Variants in CASZ1 observed in about 807,000 individuals in gnomAD.
The protein encoded by CASZ1 is zinc finger protein castor homolog 1.
CASZ1 carries 28 observed loss-of-function variants against 135.2 expected under a neutral mutation model. The ratio of observed to expected loss-of-function variants is 0.21; its 90% confidence interval spans 0.15 to 0.28. CASZ1 has a LOEUF of 0.28. Ranked by LOEUF, CASZ1 falls within the 10% of genes least tolerant of loss-of-function variation. The pLI, the probability that CASZ1 is intolerant of heterozygous loss-of-function variation, is 1.00. For missense variants in CASZ1, 2,161 were observed against 2,453.3 expected (o/e 0.88, Z 2.52); for synonymous variants, 1,068 against 1,073.4 (o/e 0.99, Z 0.10).
Position 10,697,166 on chromosome 1 carries a change from G to T in CASZ1, c.-23-3254C>A, listed in dbSNP as rs1226201362. 6.6e-6 allele frequency among the ~76,000 whole-genome samples: 1 copy of T among 152,246 alleles called. No individual in the cohort carries two copies. Among genetic ancestry groups the T allele is most frequent in the African/African-American group, 2.4e-5 (1 of 41,464 alleles). Reference sequence around the variant, plus strand: ...GGAGCGCAAGGATTTATGAAGGTCAGAGAAGGCGGCGGAGGCTTCGAGGTT... The same window carrying T: ...GGAGCGCAAGGATTTATGAAGGTCATAGAAGGCGGCGGAGGCTTCGAGGTT... On this transcript the variant is annotated intron_variant, in intron 3 of 20. Transcript: ENST00000377022. The surrounding 1 kb of genome is among the most constrained non-coding windows in gnomAD (Gnocchi z 4.7).
intron 2 of CASZ1, among the ~76,000 whole-genome samples, chr1:10,743,899 CG>C (rs1453756271): frequency 6.3e-5 from 6 of 95,392 alleles, no homozygotes; most frequent in Non-Finnish European, 1.0e-4. Context: ...CATGGGGCGG[CG>C]GGGGGAGGCA....
intron 20 of CASZ1, among the ~76,000 whole-genome samples, chr1:10,641,437 G>T (rs2124665685): frequency 6.6e-6 from 1 of 152,330 alleles, no homozygotes; most frequent in South Asian, 2.1e-4. Context: ...TACGCTCAAG[G>T]GAGGGGGCGG....
At chr1:10,668,700 C>T (rs371108800) in intron 4 of CASZ1, among the ~76,000 whole-genome samples, 3 of 152,242 alleles carry the variant, frequency 2.0e-5, no homozygotes, top group Non-Finnish European at 2.9e-5. Context: ...TGGGAGCTCA[C>T]GGCGGAGCTC....
intron 2 of CASZ1, among the ~76,000 whole-genome samples, chr1:10,742,871 GT>G (rs1045916987): frequency 6.6e-6 from 1 of 152,084 alleles, no homozygotes; most frequent in Non-Finnish European, 1.5e-5. Flanking sequence ...TGTAATCCCA[GT>G]TACTCGGGAG....
At chr1:10,651,959 C>T (rs1277040287) in intron 11 of CASZ1, 2 of 152,360 alleles carry the variant, frequency 1.3e-5, no homozygotes, top group East Asian at 3.9e-4. Flanking sequence ...CCTGCCCCAT[C>T]CATCAGGCAC....
At position 10,774,564 on chromosome 1, in the gene CASZ1, C is replaced by T. The variant is rs904652737; in HGVS notation, c.-233-13707G>A. 4.5e-4 allele frequency among the ~76,000 whole-genome samples: 68 copies of T among 150,656 alleles called. No homozygotes were observed. Among genetic ancestry groups the T allele is most frequent in the Admixed American group, 4.2e-3 (64 of 15,114 alleles). ...CAAGAAATCCCATCCATAGCCCCCC[C>T]GATCCAAAAGGATCACCAGGAGATC... On this transcript the variant is annotated intron_variant, in intron 1 of 20. Transcript: ENST00000377022. The surrounding 1 kb of genome is among the most constrained non-coding windows in gnomAD (Gnocchi z 4.4).
intron 5 of CASZ1, among the ~76,000 whole-genome samples, chr1:10,662,143 TCA>T (rs1164787566): frequency 6.6e-6 from 1 of 150,788 alleles, no homozygotes; most frequent in Non-Finnish European, 1.5e-5. Flanking sequence ...TCGCATACAC[TCA>T]CACACCTACA....
At chr1:10,640,087 G>A in intron 20 of CASZ1, 28 bp from the exon 21 acceptor site, 1 of 1,582,934 alleles carries the variant, frequency 6.3e-7, no homozygotes, top group Non-Finnish European at 8.6e-7. Flanking sequence ...GGTCAGTGCA[G>A]AAGAGGGACC....
rs1250806972 is a variant in CASZ1 at position 10,647,646 on chromosome 1, T to C, written c.3497+155A>G. 2.0e-6 allele frequency: 3 copies of C among 1,469,542 alleles called. No homozygotes were observed. The African/African-American group carries it at 4.2e-5, about 21-fold the overall frequency. The allele number at this position is 1,469,542 out of a possible 1,614,324, so 91.0% of individuals were successfully genotyped here. ...AGTGAGGTAGGAGCAGCAGCATCTTTGGCTAGAAGGACATCACCCGATGGC... is the reference window on the plus strand; with the variant it reads ...AGTGAGGTAGGAGCAGCAGCATCTTCGGCTAGAAGGACATCACCCGATGGC... On this transcript the variant is annotated intron_variant, in intron 16 of 20. Transcript: ENST00000377022. The surrounding 1 kb of genome is among the most constrained non-coding windows in gnomAD (Gnocchi z 4.9).
At chr1:10,761,881 C>T (rs1443696323) in intron 1 of CASZ1, among the ~76,000 whole-genome samples, 3 of 152,172 alleles carry the variant, frequency 2.0e-5, no homozygotes, top group Non-Finnish European at 2.9e-5. Flanking sequence ...ACCCTGCCTG[C>T]GGAGCTGGCA....
At position 10,771,953 on chromosome 1, in the gene CASZ1, C is replaced by T. The variant is rs535990510; in HGVS notation, c.-233-11096G>A. Among the ~76,000 whole-genome samples, 87 of 152,324 alleles carry T rather than the reference C, an allele frequency of 5.7e-4. No individual in the cohort carries two copies. The South Asian group carries it at 0.015, about 26-fold the overall frequency. ...TAGCTGCTGCCAAGCCCCTCTCGGC[C>T]GGCCCCCAGGGAACTCCCCACTCCT... On this transcript the variant is annotated intron_variant, in intron 1 of 20. Coordinates refer to ENST00000377022, the MANE Select transcript of CASZ1 (RefSeq NM_001079843.3).
intron 4 of CASZ1, among the ~76,000 whole-genome samples, chr1:10,684,378 G>A (rs569447720): frequency 7.9e-5 from 12 of 152,360 alleles, no homozygotes; most frequent in African/African-American, 2.2e-4. Context: ...CGGGGGACAC[G>A]AGCATGCCTG....
At chr1:10,765,629 T>C (rs17035680) in intron 1 of CASZ1, among the ~76,000 whole-genome samples, 9,703 of 152,194 alleles carry the variant, frequency 0.064, 490 homozygotes, top group East Asian at 0.27. Flanking sequence ...CGGCTTCAGG[T>C]GACCTCTGGC....
At chr1:10,749,495 C>T (rs969435836) in intron 2 of CASZ1, among the ~76,000 whole-genome samples, 1 of 152,168 alleles carries the variant, frequency 6.6e-6, no homozygotes, top group Admixed American at 6.5e-5. Context: ...GATCCACCCA[C>T]CTCGGCCTCC....
intron 1 of CASZ1, among the ~76,000 whole-genome samples, chr1:10,785,100 T>C (rs1299753676): frequency 5.3e-5 from 2 of 37,862 alleles, no homozygotes; most frequent in Non-Finnish European, 1.8e-4. Flanking sequence ...CTTTCCTCTC[T>C]TTCTTTTCCT....
At chr1:10,763,183 G>A (rs536015115) in intron 1 of CASZ1, among the ~76,000 whole-genome samples, 1 of 152,330 alleles carries the variant, frequency 6.6e-6, no homozygotes, top group Non-Finnish European at 1.5e-5. Flanking sequence ...CAGGCCCCGG[G>A]GGCCATGGAT....
At chr1:10,683,110 C>T (rs1638479660) in intron 4 of CASZ1, among the ~76,000 whole-genome samples, 1 of 152,238 alleles carries the variant, frequency 6.6e-6, no homozygotes, top group South Asian at 2.1e-4. Flanking sequence ...ACCATCCTTC[C>T]AGTTACAATC....
chr1:10,674,944 C>T (rs1299996943), intron 4 of CASZ1, among the ~76,000 whole-genome samples: 1 of 152,224 alleles, frequency 6.6e-6, no homozygotes, highest in Non-Finnish European at 1.5e-5. Context: ...GGGGAGCAGC[C>T]CTGGCTGCCC....
At chr1:10,743,588 T>G (rs914257004) in intron 2 of CASZ1, among the ~76,000 whole-genome samples, 1 of 142,712 alleles carries the variant, frequency 7.0e-6, no homozygotes, top group Admixed American at 7.5e-5. Flanking sequence ...ATATGCCAGA[T>G]GGATTCTTTT....
Sources: allele counts gnomAD v4.1 joint callset (sites outside exome capture counted in the v4.1 genomes callset), GRCh38; gene constraint gnomAD v4.1.1; non-coding constraint Gnocchi (gnomAD v3.1); transcripts MANE v1.5; gene names NCBI Gene and HGNC (gene_info 2026-07-23, HGNC 2026-07-21).